The following RIMS2 variants were observed in gnomAD, a reference collection of about 807,000 sequenced individuals.
RIMS2 encodes regulating synaptic membrane exocytosis 2.
A neutral mutation model predicts 174.4 loss-of-function variants in RIMS2; 59 were observed. That is an observed-to-expected ratio of 0.34 (90% confidence interval 0.27 to 0.42). The LOEUF (loss-of-function observed/expected upper bound fraction) is 0.42, where lower values mean the gene tolerates loss of function less well. RIMS2 is among the 10% of genes least tolerant of loss of function. The pLI, the probability that RIMS2 is intolerant of heterozygous loss-of-function variation, is 1.00. For synonymous variants in RIMS2, 606 were observed against 572.5 expected, an observed-to-expected ratio of 1.06 and a Z score of -0.84; for missense variants, 1,620 against 1,666.3, an observed-to-expected ratio of 0.97 and a Z score of 0.48.
At chr8:103,545,691 T>C (rs1239131478) in intron 1 of RIMS2, among the ~76,000 whole-genome samples, 2 of 152,216 alleles carry the variant, frequency 1.3e-5, no homozygotes, top group African/African-American at 4.8e-5. Flanking sequence ...GCAGAAACTC[T>C]ACAAGCTAGA....
intron 1 of RIMS2, among the ~76,000 whole-genome samples, chr8:103,561,114 G>A (rs2091516576): frequency 6.6e-6 from 1 of 152,188 alleles, no homozygotes; most frequent in Non-Finnish European, 1.5e-5. Flanking sequence ...CTAACAGAGT[G>A]CAGCTTCCTG....
At chr8:103,695,928 A>G (rs1375413956) in intron 1 of RIMS2, among the ~76,000 whole-genome samples, 2 of 152,090 alleles carry the variant, frequency 1.3e-5, no homozygotes, top group African/African-American at 2.4e-5. Context: ...GACTAGGGGC[A>G]TGTGTTTATA....
intron 3 of RIMS2, among the ~76,000 whole-genome samples, chr8:103,786,872 G>T (rs1308329008): frequency 6.6e-6 from 1 of 152,000 alleles, no homozygotes; most frequent in African/African-American, 2.4e-5. Context: ...ACAGTGGGGT[G>T]TTAAAGTCTC....
In RIMS2 at chr8:104,110,248, C is replaced by T. The variant is rs1456325989; in HGVS notation, c.3334+95633C>T. On this transcript the variant is annotated intron_variant, in intron 19 of 23. Coordinates refer to ENST00000504942, the Ensembl canonical transcript of RIMS2. The stretch of plus-strand genomic sequence containing the variant: ...GTCAAAGTAGTGATAAAAATTATAC[C>T]GTATGTAACCAAAGTTCAGGGTTCC... Among the ~76,000 whole-genome samples the T allele has an allele frequency of 4.6e-5, 7 of 152,098 alleles. No individual in the cohort carries two copies. In the South Asian group the frequency reaches 1.2e-3, roughly 27 times the overall value.
rs554232049 is a variant in RIMS2, at chr8:103,967,034, G to C, written c.2770+5901G>C. The stretch of plus-strand genomic sequence containing the variant: ...TGCTCTATTTTAGTGAATGGTTCCA[G>C]GTGAACTTGAGAAGAATGTATATGC... On this transcript the variant is annotated intron_variant, in intron 15 of 23. Transcript: ENST00000504942. Among the ~76,000 whole-genome samples, 4 of 151,516 alleles carry C rather than the reference G, an allele frequency of 2.6e-5. No individual in the cohort carries two copies. The South Asian group carries it at 8.3e-4, about 31-fold the overall frequency.
At chr8:104,065,271 A>G (rs1334220146) in intron 19 of RIMS2, among the ~76,000 whole-genome samples, 2 of 152,144 alleles carry the variant, frequency 1.3e-5, no homozygotes, top group African/African-American at 4.8e-5. Flanking sequence ...GAGTGTATAT[A>G]GGATATCAGA....
chr8:103,780,066 C>T (rs891667006), intron 3 of RIMS2, among the ~76,000 whole-genome samples: 3 of 152,022 alleles, frequency 2.0e-5, no homozygotes, highest in Admixed American at 6.6e-5. Flanking sequence ...AGTGTGAGGC[C>T]TCTAACATCC....
intron 3 of RIMS2, among the ~76,000 whole-genome samples, chr8:103,826,120 C>A (rs965033744): frequency 6.6e-6 from 1 of 151,952 alleles, no homozygotes; most frequent in Admixed American, 6.6e-5. Flanking sequence ...TTATTAAATT[C>A]GCTAGTAAGT....
Position 104,170,296 on chromosome 8 carries a change from A to G in RIMS2, c.3335-74620A>G, listed in dbSNP as rs527939006. 2.0e-5 allele frequency among the ~76,000 whole-genome samples: 3 copies of G among 152,062 alleles called. No individual in the cohort carries two copies. In the South Asian group the frequency reaches 6.2e-4, roughly 32 times the overall value. On this transcript the variant is annotated intron_variant, in intron 19 of 23. Coordinates refer to ENST00000504942, the Ensembl canonical transcript of RIMS2. ...AGTGACCGCCTATTATTGTGTTGCTATCTATCTCATTTCCTAGGTCTGGGA... is the reference window on the plus strand; with the variant it reads ...AGTGACCGCCTATTATTGTGTTGCTGTCTATCTCATTTCCTAGGTCTGGGA...
At chr8:104,078,759 G>A (rs1013270422) in intron 19 of RIMS2, among the ~76,000 whole-genome samples, 9 of 152,150 alleles carry the variant, frequency 5.9e-5, no homozygotes, top group Non-Finnish European at 1.0e-4. Context: ...AACCGTAGCT[G>A]TTTTGCTTTG....
chr8:103,970,394 C>G (rs2092728312), intron 15 of RIMS2, among the ~76,000 whole-genome samples: 1 of 152,160 alleles, frequency 6.6e-6, no homozygotes, highest in Admixed American at 6.5e-5. Context: ...GAGGGAAAGT[C>G]TTGTTAAGAA....
At chr8:103,922,671 C>A in intron 10 of RIMS2, 4 of 380,866 alleles carry the variant, frequency 1.1e-5, no homozygotes, top group Non-Finnish European at 2.1e-5. Context: ...TTATTTGAGG[C>A]TGATATTTTA....
intron 1 of RIMS2, among the ~76,000 whole-genome samples, chr8:103,647,751 G>A (rs750641911): frequency 6.6e-6 from 1 of 151,962 alleles, no homozygotes; most frequent in Non-Finnish European, 1.5e-5. Context: ...TTATATTTCT[G>A]TGGGGTCAGT....
chr8:103,819,645 C>G lies in RIMS2; in HGVS notation c.698+53108C>G, dbSNP rs748756497. On this transcript the variant is annotated intron_variant, in intron 3 of 23. Coordinates refer to ENST00000504942, the Ensembl canonical transcript of RIMS2. ...ACAATGCAAGGTGAGTAGAGCCAAA[C>G]TATATTTTCTTTTAATATTGTTATT... The G allele has an allele frequency of 5.7e-6, 9 of 1,570,748 alleles. No individual in the cohort carries two copies. The East Asian group carries it at 1.8e-4, about 31-fold the overall frequency.
chr8:103,786,870 G>T (rs968205267), intron 3 of RIMS2, among the ~76,000 whole-genome samples: 10 of 152,008 alleles, frequency 6.6e-5, no homozygotes, highest in Non-Finnish European at 1.3e-4. Context: ...TGACAGTGGG[G>T]TGTTAAAGTC....
At chr8:104,043,404 C>T (rs1262954676) in intron 19 of RIMS2, among the ~76,000 whole-genome samples, 4 of 151,404 alleles carry the variant, frequency 2.6e-5, no homozygotes, top group African/African-American at 4.8e-5. Context: ...TAGCACACTT[C>T]GGATGTAGTA....
At chr8:103,971,834 G>A (rs1467329703) in intron 15 of RIMS2, among the ~76,000 whole-genome samples, 1 of 152,204 alleles carries the variant, frequency 6.6e-6, no homozygotes, top group Non-Finnish European at 1.5e-5. Flanking sequence ...GCCTCCCAAA[G>A]TGCTGGGATT....
intron 3 of RIMS2, among the ~76,000 whole-genome samples, chr8:103,829,437 G>T (rs188483248): frequency 1.3e-5 from 2 of 152,080 alleles, no homozygotes; most frequent in Non-Finnish European, 2.9e-5. Context: ...AGCACTATTC[G>T]CAATAGAAAA....
intron 1 of RIMS2, among the ~76,000 whole-genome samples, chr8:103,692,073 T>C (rs2097033050): frequency 6.6e-6 from 1 of 152,170 alleles, no homozygotes; most frequent in South Asian, 2.1e-4. Flanking sequence ...TCTTTCTGTC[T>C]GTGTGGGACT....
Sources: allele counts gnomAD v4.1 joint callset (sites outside exome capture counted in the v4.1 genomes callset), GRCh38; gene constraint gnomAD v4.1.1; transcripts MANE v1.5; gene names NCBI Gene and HGNC (gene_info 2026-07-23, HGNC 2026-07-21).